HDAC9: variants seen among roughly 807,000 people sequenced by gnomAD.
HDAC9 encodes the protein MEF-2 interacting transcription repressor (MITR) protein.
Under a neutral mutation model 139.4 loss-of-function variants are expected in HDAC9, and 41 were observed. The observed-to-expected ratio is 0.29, with a 90% CI of 0.23 to 0.38. The LOEUF (loss-of-function observed/expected upper bound fraction) is 0.38, where lower values mean the gene tolerates loss of function less well. HDAC9 is among the 10% of genes least tolerant of loss of function. HDAC9 has a pLI of 1.00. For synonymous variants in HDAC9, 517 were observed against 476.2 expected (o/e 1.09, Z -1.12); for missense variants, 1,147 against 1,297.0 (o/e 0.88, Z 1.78).
chr7:18,525,633 A>G (rs1304418883), intron 2 of HDAC9, among the ~76,000 whole-genome samples: 1 of 152,010 alleles, frequency 6.6e-6, no homozygotes, highest in East Asian at 1.9e-4. Context: ...CCAGTTTTTC[A>G]TATATACTGT....
At chr7:18,860,969 C>T (rs995196838) in intron 21 of HDAC9, among the ~76,000 whole-genome samples, 13 of 152,090 alleles carry the variant, frequency 8.5e-5, no homozygotes, top group African/African-American at 2.9e-4. Context: ...AGAGCAAAGT[C>T]GGGACTACTG....
At position 18,279,558 on chromosome 7, in the gene HDAC9, C is replaced by T. The variant is rs1026027301; in HGVS notation, c.25+117209C>T. ...TCAGCTCACTGCAACCTCTGCCTCC[C>T]GGGTTCAAGCGATTCTCCTGCCTCA... On this transcript the variant is annotated intron_variant, in intron 2 of 12. Coordinates refer to the HDAC9 transcript ENST00000417496. Among the ~76,000 whole-genome samples, 37 of 151,862 alleles carry T rather than the reference C, an allele frequency of 2.4e-4. No homozygotes were observed. In the East Asian group the frequency reaches 5.8e-3, roughly 24 times the overall value.
chr7:18,808,879 AAAC>A (rs144137635), intron 17 of HDAC9, among the ~76,000 whole-genome samples: 1,633 of 151,954 alleles, frequency 0.011, 21 homozygotes, highest in African/African-American at 0.038. Context: ...AAAACAAAAC[AAAC>A]AACAACAACA....
At chr7:18,869,096 G>T (rs188092375) in intron 21 of HDAC9, among the ~76,000 whole-genome samples, 4 of 152,036 alleles carry the variant, frequency 2.6e-5, no homozygotes, top group East Asian at 3.9e-4. Flanking sequence ...AACCCAAAGA[G>T]GGGGGCATGG....
At chr7:18,234,623 T>A (rs1793693191) in intron 2 of HDAC9, among the ~76,000 whole-genome samples, 1 of 152,228 alleles carries the variant, frequency 6.6e-6, no homozygotes, top group African/African-American at 2.4e-5. Context: ...TGGAAGAGAC[T>A]GGTGAGAAAC....
chr7:18,278,788 C>T (rs1263713611), intron 2 of HDAC9, among the ~76,000 whole-genome samples: 4 of 152,030 alleles, frequency 2.6e-5, no homozygotes, highest in Non-Finnish European at 4.4e-5. Flanking sequence ...ATCTCTTATG[C>T]ACCCCACATT....
chr7:18,925,293 C>A (rs1585323807), intron 22 of HDAC9, among the ~76,000 whole-genome samples: 1 of 152,218 alleles, frequency 6.6e-6, no homozygotes, highest in African/African-American at 2.4e-5. Flanking sequence ...ATTGATTGAC[C>A]TTTGTTGCTT....
chr7:18,103,375 G>A (rs1050428748), intron 1 of HDAC9, among the ~76,000 whole-genome samples: 2 of 152,102 alleles, frequency 1.3e-5, no homozygotes, highest in Non-Finnish European at 2.9e-5. Flanking sequence ...ACATATGCAA[G>A]TTTGTTACAA....
At chr7:18,896,112 A>C (rs969947353) in intron 22 of HDAC9, among the ~76,000 whole-genome samples, 1 of 152,070 alleles carries the variant, frequency 6.6e-6, no homozygotes, top group Non-Finnish European at 1.5e-5. Flanking sequence ...TTTATGAAGG[A>C]AGAAACTATT....
At chr7:18,359,170 A>G (rs1187979549) in intron 1 of HDAC9, among the ~76,000 whole-genome samples, 4 of 152,148 alleles carry the variant, frequency 2.6e-5, no homozygotes, top group Non-Finnish European at 5.9e-5. Flanking sequence ...GGCCCAGACA[A>G]CATGGCAAAA....
intron 21 of HDAC9, among the ~76,000 whole-genome samples, chr7:18,841,082 G>A (rs1307273536): frequency 6.6e-6 from 1 of 151,954 alleles, no homozygotes; most frequent in Non-Finnish European, 1.5e-5. Context: ...TTGGGGCAGG[G>A]CACATAAATA....
intron 2 of HDAC9, among the ~76,000 whole-genome samples, chr7:18,562,739 C>T (rs1314708399): frequency 1.3e-5 from 2 of 152,020 alleles, no homozygotes; most frequent in East Asian, 1.9e-4. Flanking sequence ...TACTGGGTCT[C>T]TTCCATTTCC....
At chr7:18,938,003 G>GT (rs1563071678) in intron 23 of HDAC9, among the ~76,000 whole-genome samples, 1 of 152,114 alleles carries the variant, frequency 6.6e-6, no homozygotes, top group African/African-American at 2.4e-5. Context: ...GGAGTTACAT[G>GT]TTTTTCTTAA....
At chr7:18,508,279 G>A (rs1800402986) in intron 2 of HDAC9, among the ~76,000 whole-genome samples, 1 of 152,160 alleles carries the variant, frequency 6.6e-6, no homozygotes, top group Admixed American at 6.5e-5. Context: ...AACCTGTAAA[G>A]GGTATCTTTC....
intron 2 of HDAC9, among the ~76,000 whole-genome samples, chr7:18,197,895 A>G (rs950666307): frequency 2.0e-5 from 3 of 152,208 alleles, no homozygotes; most frequent in Non-Finnish European, 4.4e-5. Flanking sequence ...CTTTGCACTT[A>G]GATATAGAGA....
At chr7:18,195,696 T>TA (rs1282625895) in intron 2 of HDAC9, among the ~76,000 whole-genome samples, 1 of 152,166 alleles carries the variant, frequency 6.6e-6, no homozygotes, top group African/African-American at 2.4e-5. Context: ...TTTTCACTGT[T>TA]ACAGACATTT....
chr7:18,713,766 G>C (rs1476555805), intron 12 of HDAC9, among the ~76,000 whole-genome samples: 1 of 152,118 alleles, frequency 6.6e-6, no homozygotes, highest in African/African-American at 2.4e-5. Context: ...TAATGAAGTG[G>C]TTAAAGACTG....
At chr7:18,989,178 G>T in intron 25 of HDAC9, among the ~76,000 whole-genome samples, 2 of 148,068 alleles carry the variant, frequency 1.4e-5, no homozygotes. Context: ...TTACATTTTG[G>T]CATGATTTTG....
intron 1 of HDAC9, among the ~76,000 whole-genome samples, chr7:18,314,596 G>A (rs1031231780): frequency 6.6e-6 from 1 of 152,126 alleles, no homozygotes; most frequent in East Asian, 1.9e-4. Context: ...AACCTTCATT[G>A]TTCTTATATG....
Sources: gnomAD v4.1 joint callset for allele counts (sites outside exome capture counted in the v4.1 genomes callset) on GRCh38, gnomAD v4.1.1 for gene constraint, MANE v1.5 for transcripts, NCBI Gene and HGNC (gene_info 2026-07-23, HGNC 2026-07-21) for gene names.